WWOX: variants seen among roughly 807,000 people sequenced by gnomAD.
WWOX encodes the protein WW domain containing oxidoreductase.
A neutral mutation model predicts 46.2 loss-of-function variants in WWOX; 69 were observed. The observed-to-expected ratio is 1.49, with a 90% CI of 1.23 to 1.82. WWOX has a LOEUF of 1.82. WWOX is among the 40% of genes most tolerant of loss of function. The pLI is 0.00. For synonymous variants in WWOX, 359 were observed against 202.6 expected, an observed-to-expected ratio of 1.77 and a Z score of -6.56; for missense variants, 919 against 542.6, an observed-to-expected ratio of 1.69 and a Z score of -6.89.
intron 8 of WWOX, among the ~76,000 whole-genome samples, chr16:78,663,343 A>G (rs945696509): frequency 6.6e-6 from 1 of 152,224 alleles, no homozygotes; most frequent in Non-Finnish European, 1.5e-5. Flanking sequence ...TTTTGAACCA[A>G]TCTAACTAAT....
At chr16:78,576,984 G>C (rs911352250) in intron 8 of WWOX, among the ~76,000 whole-genome samples, 1 of 152,084 alleles carries the variant, frequency 6.6e-6, no homozygotes, top group African/African-American at 2.4e-5. Flanking sequence ...TAATTAGTTA[G>C]CTATTGCTGC....
chr16:79,118,192 G>T (rs8056476), intron 8 of WWOX, among the ~76,000 whole-genome samples: 4 of 152,144 alleles, frequency 2.6e-5, no homozygotes, highest in African/African-American at 9.7e-5. Flanking sequence ...TTGAAGGGTT[G>T]TAAGTTTGCC....
At chr16:78,247,467 C>G (rs2037848812) in intron 5 of WWOX, among the ~76,000 whole-genome samples, 1 of 152,030 alleles carries the variant, frequency 6.6e-6, no homozygotes, top group Non-Finnish European at 1.5e-5. Context: ...AGGATGCAGT[C>G]CTAATCCTGA....
At chr16:79,123,902 A>C (rs1368020441) in intron 8 of WWOX, among the ~76,000 whole-genome samples, 3 of 152,324 alleles carry the variant, frequency 2.0e-5, no homozygotes, top group Admixed American at 6.5e-5. Context: ...TGGAGGTTTG[A>C]TTAAACCGAT....
chr16:78,528,235 C>T (rs564333293), intron 8 of WWOX, among the ~76,000 whole-genome samples: 22 of 135,372 alleles, frequency 1.6e-4, no homozygotes, highest in Admixed American at 6.7e-4. Context: ...AGGATGGTCT[C>T]GGTCTGCTGA....
At chr16:78,475,950 G>C (rs192185801) in intron 8 of WWOX, among the ~76,000 whole-genome samples, 1 of 152,122 alleles carries the variant, frequency 6.6e-6, no homozygotes, top group East Asian at 1.9e-4. Context: ...ATTTATTATG[G>C]TAATGAGAAG....
At chr16:79,153,973 C>T (rs964812973) in intron 8 of WWOX, among the ~76,000 whole-genome samples, 1 of 152,104 alleles carries the variant, frequency 6.6e-6, no homozygotes, top group Non-Finnish European at 1.5e-5. Context: ...TGATGCTAGC[C>T]ATGGATGCAC....
At chr16:78,633,145 C>G (rs912692392) in intron 8 of WWOX, among the ~76,000 whole-genome samples, 5 of 151,944 alleles carry the variant, frequency 3.3e-5, no homozygotes, top group African/African-American at 9.7e-5. Context: ...GCCTGTAATC[C>G]CAGTTACTCG....
intron 8 of WWOX, among the ~76,000 whole-genome samples, chr16:78,776,922 A>T (rs1008451767): frequency 6.6e-6 from 1 of 152,116 alleles, no homozygotes; most frequent in Non-Finnish European, 1.5e-5. Flanking sequence ...CTCCCCTAAC[A>T]TGTGGGGATT....
intron 8 of WWOX, among the ~76,000 whole-genome samples, chr16:78,964,929 G>T (rs1489411212): frequency 6.6e-6 from 1 of 152,230 alleles, no homozygotes; most frequent in Non-Finnish European, 1.5e-5. Flanking sequence ...AGCCTTGGCA[G>T]CCTCCATGTG....
At chr16:78,924,885 A>G (rs772142346) in intron 8 of WWOX, among the ~76,000 whole-genome samples, 2 of 152,132 alleles carry the variant, frequency 1.3e-5, no homozygotes, top group Non-Finnish European at 2.9e-5. Flanking sequence ...TGTGCTCTCA[A>G]TGTTTGTCTT....
Position 78,575,289 on chromosome 16 carries a change from ACTAT to A in WWOX, c.1056+142541_1056+142544del, listed in dbSNP as rs1231482071. 4.0e-5 allele frequency among the ~76,000 whole-genome samples: 6 copies of A among 149,938 alleles called. No individual in the cohort carries two copies. The Admixed American group carries it at 4.0e-4, about 10-fold the overall frequency. ...TTTATTTTTTTTCAAAGTTGTTAAG[ACTAT>A]CTAAGATTCAGATCTCCCTAATACT... On this transcript the variant is annotated intron_variant, in intron 8 of 8. Transcript: ENST00000566780.
intron 8 of WWOX, among the ~76,000 whole-genome samples, chr16:78,435,382 G>C (rs2083311656): frequency 6.6e-6 from 1 of 152,208 alleles, no homozygotes; most frequent in Non-Finnish European, 1.5e-5. Context: ...GGAGAGCTCA[G>C]AGACTACTTG....
intron 8 of WWOX, among the ~76,000 whole-genome samples, chr16:78,633,897 T>G (rs4035833): frequency 1.5e-5 from 2 of 132,666 alleles, no homozygotes; most frequent in Non-Finnish European, 3.3e-5. Flanking sequence ...ATCTGAGGTG[T>G]TTTTTTTTTT....
intron 8 of WWOX, among the ~76,000 whole-genome samples, chr16:78,436,962 G>A (rs186841890): frequency 3.3e-5 from 5 of 152,312 alleles, no homozygotes; most frequent in African/African-American, 1.2e-4. Flanking sequence ...TAAAGGCTGG[G>A]TTTCTAATTG....
At chr16:78,758,622 C>G (rs2049716763) in intron 8 of WWOX, among the ~76,000 whole-genome samples, 1 of 152,112 alleles carries the variant, frequency 6.6e-6, no homozygotes, top group Non-Finnish European at 1.5e-5. Context: ...TTTAGCTTGT[C>G]CTTCCCGTTC....
chr16:78,556,702 C>G (rs2044305448), intron 8 of WWOX, among the ~76,000 whole-genome samples: 1 of 152,014 alleles, frequency 6.6e-6, no homozygotes, highest in Non-Finnish European at 1.5e-5. Context: ...GACCGGCAAA[C>G]ACATTTTTTA....
chr16:79,097,905 C>A (rs1430500415), intron 8 of WWOX, among the ~76,000 whole-genome samples: 4 of 152,090 alleles, frequency 2.6e-5, no homozygotes, highest in African/African-American at 9.7e-5. Context: ...AACCACCAGG[C>A]AACATGCATT....
chr16:79,040,977 C>T (rs1454603218), intron 8 of WWOX, among the ~76,000 whole-genome samples: 6 of 151,962 alleles, frequency 3.9e-5, no homozygotes, highest in Admixed American at 3.9e-4. Context: ...GAGGTGGTTC[C>T]TGAAATCCCT....
Sources: allele counts gnomAD v4.1 joint callset (sites outside exome capture counted in the v4.1 genomes callset), GRCh38; gene constraint gnomAD v4.1.1; transcripts MANE v1.5; gene names NCBI Gene and HGNC (gene_info 2026-07-23, HGNC 2026-07-21).